Variants in CTNNA2 observed in about 807,000 individuals in gnomAD.
CTNNA2 encodes catenin alpha-2.
In CTNNA2, 42 loss-of-function variants were observed where a neutral mutation model predicts 101.0. The ratio of observed to expected loss-of-function variants is 0.42; its 90% CI spans 0.32 to 0.54. CTNNA2 has a LOEUF of 0.54. CTNNA2 is among the 20% of genes least tolerant of loss of function. The probability of loss-of-function intolerance (pLI) is 0.14; values close to 1 mark genes in which losing one functional copy is unlikely to be tolerated. For missense variants in CTNNA2, 871 were observed against 1,223.1 expected, an observed-to-expected ratio of 0.71 and a Z score of 4.29; for synonymous variants, 450 against 456.4, an observed-to-expected ratio of 0.99 and a Z score of 0.18.
intron 8 of CTNNA2, among the ~76,000 whole-genome samples, chr2:80,402,779 A>G (rs1448640662): frequency 6.8e-6 from 1 of 147,894 alleles, no homozygotes; most frequent in East Asian, 1.9e-4. Context: ...TAATATATAA[A>G]TTATGTTTAA....
At chr2:79,956,625 T>C (rs559388118) in intron 7 of CTNNA2, among the ~76,000 whole-genome samples, 8 of 152,220 alleles carry the variant, frequency 5.3e-5, no homozygotes, top group Admixed American at 4.6e-4. Flanking sequence ...TGAGAGAGAA[T>C]TTATCGAACC....
chr2:80,194,132 AGTGCCCTCAGCCAATT>A, intron 7 of CTNNA2, among the ~76,000 whole-genome samples: 1 of 152,326 alleles, frequency 6.6e-6, no homozygotes, highest in South Asian at 2.1e-4. Context: ...CAGTGTAATT[AGTGCCCTCAGCCAATT>A]GCCATTTCTC....
At chr2:80,079,712 G>T (rs894067631) in intron 7 of CTNNA2, among the ~76,000 whole-genome samples, 1 of 151,852 alleles carries the variant, frequency 6.6e-6, no homozygotes, top group African/African-American at 2.4e-5. Flanking sequence ...TACTCGGGAG[G>T]CTGAGGCAGG....
At chr2:80,313,747 C>A in intron 7 of CTNNA2, 1 of 923,138 alleles carries the variant, frequency 1.1e-6, no homozygotes, top group Non-Finnish European at 1.7e-6. Context: ...AATGTGAGTA[C>A]AAGGAATATA....
chr2:80,257,865 A>T (rs1672295515), intron 7 of CTNNA2, among the ~76,000 whole-genome samples: 1 of 152,236 alleles, frequency 6.6e-6, no homozygotes, highest in African/African-American at 2.4e-5. Flanking sequence ...GCAGTCGATT[A>T]TACTGCCACT....
chr2:80,081,882 T>C (rs973460746), intron 7 of CTNNA2, among the ~76,000 whole-genome samples: 5 of 152,126 alleles, frequency 3.3e-5, no homozygotes, highest in Admixed American at 6.5e-5. Context: ...AAATAATTAA[T>C]ACCAAATCCA....
chr2:80,213,908 T>G (rs2149040891), intron 7 of CTNNA2, among the ~76,000 whole-genome samples: 1 of 152,348 alleles, frequency 6.6e-6, no homozygotes, highest in East Asian at 1.9e-4. Flanking sequence ...TAGTATTGAG[T>G]GCATATATAT....
intron 7 of CTNNA2, among the ~76,000 whole-genome samples, chr2:80,368,865 G>GTATA (rs1393726938): frequency 8.1e-5 from 9 of 111,326 alleles, no homozygotes; most frequent in African/African-American, 3.8e-4. Flanking sequence ...GTGTGTGTGT[G>GTATA]TGTATATATA....
intron 2 of CTNNA2, among the ~76,000 whole-genome samples, chr2:79,206,210 A>C (rs1048571931): frequency 2.6e-5 from 4 of 152,080 alleles, no homozygotes; most frequent in Admixed American, 6.6e-5. Context: ...CTGTGTTAGG[A>C]TACAAAGAGT....
At chr2:79,286,728 G>T (rs1003869392) in intron 2 of CTNNA2, among the ~76,000 whole-genome samples, 2 of 151,954 alleles carry the variant, frequency 1.3e-5, no homozygotes, top group South Asian at 2.1e-4. Context: ...TGACAATTAT[G>T]TGTCTTGGAG....
chr2:79,932,724 C>G (rs1192598528), intron 7 of CTNNA2, among the ~76,000 whole-genome samples: 2 of 152,106 alleles, frequency 1.3e-5, no homozygotes, highest in African/African-American at 4.8e-5. Context: ...TTAACAAGGC[C>G]TATTTTTAAT....
At chr2:79,339,797 C>T (rs1456375627) in intron 3 of CTNNA2, 1 of 152,216 alleles carries the variant, frequency 6.6e-6, no homozygotes, top group Non-Finnish European at 1.5e-5. Context: ...AAAAATAAGA[C>T]AATGTCACTC....
chr2:80,300,287 T>G (rs908235721), intron 7 of CTNNA2, among the ~76,000 whole-genome samples: 9 of 41,182 alleles, frequency 2.2e-4, no homozygotes, highest in African/African-American at 8.8e-4. Context: ...TTGGGGTGTG[T>G]GTGTGTGTGT....
intron 14 of CTNNA2, among the ~76,000 whole-genome samples, chr2:80,587,500 A>C (rs1339557435): frequency 6.6e-6 from 1 of 152,202 alleles, no homozygotes; most frequent in African/African-American, 2.4e-5. Context: ...CTTTTGAGGT[A>C]ATTATTTACT....
intron 2 of CTNNA2, among the ~76,000 whole-genome samples, chr2:79,656,250 T>C (rs1485875841): frequency 6.6e-6 from 1 of 152,194 alleles, no homozygotes; most frequent in East Asian, 1.9e-4. Flanking sequence ...AAAAGACTTA[T>C]GAATAAGGAA....
chr2:80,382,483 T>C (rs1676605681), intron 7 of CTNNA2, among the ~76,000 whole-genome samples: 1 of 152,174 alleles, frequency 6.6e-6, no homozygotes, highest in African/African-American at 2.4e-5. Flanking sequence ...GTTTGCACAA[T>C]ATAGAATTAT....
At chr2:79,663,353 C>G (rs1477122438) in intron 2 of CTNNA2, among the ~76,000 whole-genome samples, 1 of 152,210 alleles carries the variant, frequency 6.6e-6, no homozygotes, top group Non-Finnish European at 1.5e-5. Flanking sequence ...AAATGATTTT[C>G]ATTGCATTTG....
intron 18 of CTNNA2, among the ~76,000 whole-genome samples, chr2:80,641,381 G>GA (rs755676853): frequency 6.6e-6 from 1 of 151,754 alleles, no homozygotes; most frequent in African/African-American, 2.4e-5. Flanking sequence ...CAGCTTTTTT[G>GA]AAAAAAGACA....
intron 9 of CTNNA2, among the ~76,000 whole-genome samples, chr2:80,533,780 C>A (rs185957019): frequency 6.6e-6 from 1 of 152,068 alleles, no homozygotes; most frequent in South Asian, 2.1e-4. Context: ...GGTTTTAGTT[C>A]CTCCATGTAA....
Sources: allele counts gnomAD v4.1 joint callset (sites outside exome capture counted in the v4.1 genomes callset), GRCh38; gene constraint gnomAD v4.1.1; transcripts MANE v1.5; gene names NCBI Gene and HGNC (gene_info 2026-07-23, HGNC 2026-07-21).